RABGAP1: variants seen among roughly 807,000 people sequenced by gnomAD.
The protein encoded by RABGAP1 is RAB GTPase activating protein 1.
A neutral mutation model predicts 137.6 loss-of-function variants in RABGAP1; 23 were observed. The ratio of observed to expected loss-of-function variants is 0.17; its 90% confidence interval spans 0.12 to 0.24. The LOEUF is 0.24. RABGAP1 is among the 10% of genes least tolerant of loss of function. The probability of loss-of-function intolerance (pLI) is 1.00; values close to 1 mark genes in which losing one functional copy is unlikely to be tolerated. For synonymous variants in RABGAP1, 451 were observed against 450.7 expected, an observed-to-expected ratio of 1.00 and a Z score of -0.01; for missense variants, 906 against 1,275.8, an observed-to-expected ratio of 0.71 and a Z score of 4.42.
At chr9:123,005,773 C>T (rs1253506809) in intron 10 of RABGAP1, among the ~76,000 whole-genome samples, 1 of 152,028 alleles carries the variant, frequency 6.6e-6, no homozygotes, top group Non-Finnish European at 1.5e-5. Flanking sequence ...TTAGAATAGA[C>T]TCCTATTAGT....
intron 11 of RABGAP1, among the ~76,000 whole-genome samples, chr9:123,013,124 A>G (rs909828820): frequency 6.6e-6 from 1 of 152,216 alleles, no homozygotes; most frequent in Non-Finnish European, 1.5e-5. Context: ...AATGTGAAAG[A>G]GAATTTTGTA....
At chr9:123,088,909 A>G (rs566289906) in intron 19 of RABGAP1, among the ~76,000 whole-genome samples, 1 of 152,302 alleles carries the variant, frequency 6.6e-6, no homozygotes, top group African/African-American at 2.4e-5. Flanking sequence ...GGGGAGATGT[A>G]AGACCACTGG....
chr9:123,027,373 C>T (rs568031975), intron 13 of RABGAP1, among the ~76,000 whole-genome samples: 127 of 152,316 alleles, frequency 8.3e-4, no homozygotes, highest in African/African-American at 2.9e-3. Context: ...CTTGGCCTTC[C>T]AAAGTGCTGG....
chr9:123,027,408 C>T (rs188015385), intron 13 of RABGAP1, among the ~76,000 whole-genome samples: 1 of 152,180 alleles, frequency 6.6e-6, no homozygotes, highest in Non-Finnish European at 1.5e-5. Flanking sequence ...GCCACCGTGC[C>T]CTGCCAACCA....
At chr9:122,974,011 A>G (rs1835622598) in intron 2 of RABGAP1, among the ~76,000 whole-genome samples, 1 of 150,766 alleles carries the variant, frequency 6.6e-6, no homozygotes, top group Non-Finnish European at 1.5e-5. Flanking sequence ...GTCTCAAACC[A>G]AAAAAAAAAA....
At chr9:122,998,523 T>C (rs1467895590) in intron 9 of RABGAP1, 74 bp from the exon 10 acceptor site, 2 of 1,225,230 alleles carry the variant, frequency 1.6e-6, no homozygotes, top group East Asian at 5.0e-5. Context: ...AAGTAATAGC[T>C]TTTATGGAAT....
intron 13 of RABGAP1, among the ~76,000 whole-genome samples, chr9:123,029,115 GA>G (rs2032153822): frequency 6.6e-6 from 1 of 152,130 alleles, no homozygotes; most frequent in Admixed American, 6.5e-5. Context: ...AAGGGATGGG[GA>G]AAAAGATGCT....
At chr9:123,002,920 A>G (rs1455309497) in intron 10 of RABGAP1, among the ~76,000 whole-genome samples, 1 of 152,154 alleles carries the variant, frequency 6.6e-6, no homozygotes, top group African/African-American at 2.4e-5. Context: ...AGAAGTGTGT[A>G]TGTGGAAGCT....
chr9:122,993,054 T>G (rs965761979), intron 6 of RABGAP1, among the ~76,000 whole-genome samples: 1 of 151,866 alleles, frequency 6.6e-6, no homozygotes, highest in Non-Finnish European at 1.5e-5. Flanking sequence ...TCCAACATAC[T>G]GTGTATAATA....
At position 122,989,298 on chromosome 9, in the gene RABGAP1, C is replaced by T; in HGVS notation, c.592C>T (p.Leu198Phe). The change falls in exon 5 of 26, where the codon CTC (leucine) becomes TTC (phenylalanine). Residue 198 changes from leucine to phenylalanine, a missense_variant and splice_region_variant. Around this residue, in one of 9 missense-constraint regions of RABGAP1, gnomAD observed 331 missense variants for 358.3 expected, o/e 0.92. Coordinates refer to ENST00000373647, the MANE Select transcript of RABGAP1 (RefSeq NM_012197.4). ...CTCTGTATCTTTTTCTCTGAACAGA[C>T]TCTTAGATCCTCAGACAAACACTGA... ...VPNVSEGIVR[L>F]LDPQTNTEIA... 8 of 1,611,458 alleles carry T rather than the reference C, an allele frequency of 5.0e-6. No homozygotes were observed. Among genetic ancestry groups the T allele is most frequent in the South Asian group, 1.1e-5 (1 of 91,030 alleles).
At chr9:123,021,972 C>T (rs1327145798) in intron 13 of RABGAP1, among the ~76,000 whole-genome samples, 1 of 152,082 alleles carries the variant, frequency 6.6e-6, no homozygotes, top group African/African-American at 2.4e-5. Context: ...AGATGAATTC[C>T]AGGTATAGAA....
intron 13 of RABGAP1, among the ~76,000 whole-genome samples, chr9:123,044,393 C>T (rs1289322454): frequency 6.6e-6 from 1 of 152,072 alleles, no homozygotes; most frequent in Non-Finnish European, 1.5e-5. Context: ...TCATTTAATC[C>T]CCCTAGAAGT....
At chr9:123,002,187 G>C (rs922889739) in intron 10 of RABGAP1, among the ~76,000 whole-genome samples, 4 of 151,848 alleles carry the variant, frequency 2.6e-5, no homozygotes, top group African/African-American at 9.7e-5. Flanking sequence ...TGTAATCCCA[G>C]CTACTTGGGA....
At chr9:123,102,967 CTG>C in intron 25 of RABGAP1, 122 bp from the exon 26 acceptor site, 1 of 1,303,136 alleles carries the variant, frequency 7.7e-7, no homozygotes, top group Non-Finnish European at 1.0e-6. Context: ...CAGTTGGAGA[CTG>C]GGGGAATTCC....
rs1202234737 is a variant in RABGAP1 at position 122,986,088 on chromosome 9, A to G, written c.386-127A>G. 6 of 792,690 alleles carry G rather than the reference A, an allele frequency of 7.6e-6. No individual in the cohort carries two copies. In the Admixed American group the frequency reaches 1.1e-4, roughly 15 times the overall value. The allele number at this position is 792,690 out of a possible 1,614,324, so 49.1% of individuals were successfully genotyped here. ...TTTTCATGGGCATTTCTTTTAGGGT[A>G]TGGCATATTGTCTCATTAATACTTA... On this transcript the variant is annotated intron_variant, in intron 3 of 25. Transcript: ENST00000373647.
intron 2 of RABGAP1, among the ~76,000 whole-genome samples, chr9:122,966,721 C>A (rs533646278): frequency 4.6e-5 from 7 of 152,034 alleles, no homozygotes; most frequent in Non-Finnish European, 1.0e-4. Context: ...TGTATTACTT[C>A]GTTTTCACAC....
intron 2 of RABGAP1, among the ~76,000 whole-genome samples, chr9:122,982,021 C>G (rs1238744983): frequency 6.6e-6 from 1 of 150,928 alleles, no homozygotes; most frequent in Non-Finnish European, 1.5e-5. Context: ...TGCACTCCAG[C>G]CTGGGCAACA....
chr9:123,028,327 C>T (rs1444774641), intron 13 of RABGAP1, among the ~76,000 whole-genome samples: 1 of 152,188 alleles, frequency 6.6e-6, no homozygotes, highest in Non-Finnish European at 1.5e-5. Context: ...ATAAAATAAA[C>T]TTGTTCACTG....
At chr9:123,008,282 G>A (rs942872526) in intron 10 of RABGAP1, among the ~76,000 whole-genome samples, 1 of 151,838 alleles carries the variant, frequency 6.6e-6, no homozygotes, top group Non-Finnish European at 1.5e-5. Context: ...ATTGCTGGCC[G>A]GGCACGGTGG....
Sources: allele counts gnomAD v4.1 joint callset (sites outside exome capture counted in the v4.1 genomes callset), GRCh38; gene constraint gnomAD v4.1.1; regional missense constraint gnomAD v4.1.1; transcripts MANE v1.5; gene names NCBI Gene and HGNC (gene_info 2026-07-23, HGNC 2026-07-21).